Variants in FUT8 observed in about 807,000 individuals in gnomAD.
FUT8 encodes alpha-(1,6)-fucosyltransferase.
FUT8 carries 29 observed loss-of-function variants against 71.3 expected under a neutral mutation model. The ratio of observed to expected loss-of-function variants is 0.41; its 90% CI spans 0.30 to 0.55. The LOEUF is 0.55. Ranked by LOEUF, FUT8 falls within the 20% of genes least tolerant of loss-of-function variation. The pLI is 0.34. For synonymous variants in FUT8, 254 were observed against 239.3 expected, an observed-to-expected ratio of 1.06 and a Z score of -0.57; for missense variants, 544 against 702.1, an observed-to-expected ratio of 0.77 and a Z score of 2.55.
chr14:65,536,315 A>C (rs1884308907), intron 2 of FUT8, among the ~76,000 whole-genome samples: 1 of 151,958 alleles, frequency 6.6e-6, no homozygotes, highest in Non-Finnish European at 1.5e-5. Context: ...TTTTTATTAT[A>C]CCTACTTGTT....
chr14:65,456,571 C>G (rs774368476), intron 2 of FUT8, among the ~76,000 whole-genome samples: 1 of 150,730 alleles, frequency 6.6e-6, no homozygotes, highest in Non-Finnish European at 1.5e-5. Context: ...AAAAATGTGA[C>G]TCTATGTTCT....
At chr14:65,624,537 C>G (rs1306456815) in intron 5 of FUT8, among the ~76,000 whole-genome samples, 2 of 152,200 alleles carry the variant, frequency 1.3e-5, no homozygotes, top group African/African-American at 4.8e-5. Context: ...AGGCACTCTT[C>G]TCTCTAAATT....
chr14:65,722,140 A>G, intron 8 of FUT8, 119 bp downstream of exon 8: 1 of 1,252,748 alleles, frequency 8.0e-7, no homozygotes. Flanking sequence ...ACCAAAGGAC[A>G]GAGGTTCTAG....
intron 3 of FUT8, among the ~76,000 whole-genome samples, chr14:65,615,244 T>C (rs1303839126): frequency 6.6e-6 from 1 of 152,142 alleles, no homozygotes; most frequent in African/African-American, 2.4e-5. Flanking sequence ...TAGCTGGGAC[T>C]GCAGGCACAC....
chr14:65,464,189 CT>C (rs2066006664), intron 2 of FUT8, among the ~76,000 whole-genome samples: 1 of 150,618 alleles, frequency 6.6e-6, no homozygotes, highest in Admixed American at 6.6e-5. Context: ...TCCCAAATAT[CT>C]CCCCCTTTTA....
At chr14:65,498,381 T>G (rs1404039834) in intron 2 of FUT8, among the ~76,000 whole-genome samples, 1 of 152,214 alleles carries the variant, frequency 6.6e-6, no homozygotes, top group Non-Finnish European at 1.5e-5. Flanking sequence ...TTGGCTCCAG[T>G]ATCCACTTTA....
At chr14:65,478,246 A>G (rs1219905764) in intron 2 of FUT8, among the ~76,000 whole-genome samples, 2 of 152,086 alleles carry the variant, frequency 1.3e-5, no homozygotes, top group African/African-American at 4.8e-5. Context: ...GGAGTCCCCA[A>G]GGCCCCCCAG....
chr14:65,404,813 T>C, the FUT8 span, among the ~76,000 whole-genome samples: 27 of 152,238 alleles, frequency 1.8e-4, no homozygotes, highest in African/African-American at 5.5e-4. Flanking sequence ...TGATCCAGCC[T>C]AACTCAATAT....
intron 6 of FUT8, among the ~76,000 whole-genome samples, chr14:65,641,629 A>G (rs1193314572): frequency 6.6e-6 from 1 of 152,164 alleles, no homozygotes; most frequent in East Asian, 1.9e-4. Flanking sequence ...ATTTTCATCC[A>G]GCAGTGTCTG....
Position 65,697,979 on chromosome 14 carries a change from G to A in FUT8, c.836-23796G>A, listed in dbSNP as rs376734736. 2.5e-4 allele frequency among the ~76,000 whole-genome samples: 36 copies of A among 146,136 alleles called. No individual in the cohort carries two copies. In the East Asian group the frequency reaches 4.8e-3, roughly 19 times the overall value. ...CCACTCCAGCTTGGACAACAAGAGCGAAACTCCATCTCAAAAAAAAAAAAG... is the reference window on the plus strand; with the variant it reads ...CCACTCCAGCTTGGACAACAAGAGCAAAACTCCATCTCAAAAAAAAAAAAG... On this transcript the variant is annotated intron_variant, in intron 7 of 10. Transcript: ENST00000673929.
chr14:65,383,955 A>C, the FUT8 span, among the ~76,000 whole-genome samples: 3 of 152,216 alleles, frequency 2.0e-5, no homozygotes, highest in Non-Finnish European at 4.4e-5. Context: ...AGGGGCCATC[A>C]GTAGGAAATG....
At position 65,722,164 on chromosome 14, in the gene FUT8, T is replaced by A. The variant is rs4143898; in HGVS notation, c.1082+143T>A. On this transcript the variant is annotated intron_variant, in intron 8 of 10. Coordinates refer to ENST00000673929, the MANE Select transcript of FUT8 (RefSeq NM_001371533.1). The stretch of plus-strand genomic sequence containing the variant: ...CAGAGGTTCTAGAGCTATCCTAAGG[T>A]CACATGGAGACTATTTTTTTTTGTT... The A allele has an allele frequency of 0.52, 535,455 of 1,024,186 alleles. 144,124 individuals carry two copies. Among genetic ancestry groups the A allele is most frequent in the Non-Finnish European group, 0.55 (393,723 of 714,612 alleles). 63.4% of individuals were successfully genotyped at this position (1,024,186 alleles called of 1,614,324 possible).
At chr14:65,591,173 G>A (rs1887665162) in intron 3 of FUT8, among the ~76,000 whole-genome samples, 3 of 152,136 alleles carry the variant, frequency 2.0e-5, no homozygotes, top group African/African-American at 7.2e-5. Context: ...TTATTTAAAT[G>A]AATGTGAAGT....
intron 6 of FUT8, among the ~76,000 whole-genome samples, chr14:65,632,464 C>G (rs1890238967): frequency 6.6e-6 from 1 of 152,188 alleles, no homozygotes; most frequent in East Asian, 1.9e-4. Context: ...ATTTACGTTT[C>G]CCTGATCATT....
At chr14:65,694,796 A>G (rs1447024844) in intron 7 of FUT8, among the ~76,000 whole-genome samples, 1 of 150,988 alleles carries the variant, frequency 6.6e-6, no homozygotes, top group East Asian at 1.9e-4. Context: ...CGCAAGAACA[A>G]AAAACCAAAC....
intron 2 of FUT8, among the ~76,000 whole-genome samples, chr14:65,505,901 G>C (rs1240023734): frequency 6.6e-6 from 1 of 151,698 alleles, no homozygotes; most frequent in Non-Finnish European, 1.5e-5. Context: ...AAACTTATTT[G>C]TCCAACTCTG....
chr14:65,717,216 C>T (rs1446617359), intron 7 of FUT8, among the ~76,000 whole-genome samples: 2 of 138,064 alleles, frequency 1.4e-5, no homozygotes, highest in African/African-American at 2.7e-5. Context: ...CCTCACCTCC[C>T]AGACGGGGCG....
chr14:65,661,009 T>A (rs901816033), intron 6 of FUT8, among the ~76,000 whole-genome samples: 10 of 152,230 alleles, frequency 6.6e-5, no homozygotes, highest in Admixed American at 6.5e-5. Flanking sequence ...AAAAACTGTT[T>A]AGTCTTCTGA....
chr14:65,588,380 C>T (rs1486346550), intron 3 of FUT8, among the ~76,000 whole-genome samples: 1 of 152,102 alleles, frequency 6.6e-6, no homozygotes, highest in Non-Finnish European at 1.5e-5. Context: ...TTAATTATAC[C>T]AGGCATTATT....
Sources: gnomAD v4.1 joint callset for allele counts (sites outside exome capture counted in the v4.1 genomes callset) on GRCh38, gnomAD v4.1.1 for gene constraint, MANE v1.5 for transcripts, NCBI Gene and HGNC (gene_info 2026-07-23, HGNC 2026-07-21) for gene names.